ADAMTS13: variants seen among roughly 807,000 people sequenced by gnomAD.
ADAMTS13 encodes the protein A disintegrin and metalloproteinase with thrombospondin motifs 13.
Under a neutral mutation model 155.1 loss-of-function variants are expected in ADAMTS13, and 110 were observed. The observed-to-expected ratio is 0.71, with a 90% CI of 0.61 to 0.83. The LOEUF (loss-of-function observed/expected upper bound fraction) is 0.83. Ranked by LOEUF, ADAMTS13 falls within the 40% of genes least tolerant of loss-of-function variation. The pLI, the probability that ADAMTS13 is intolerant of heterozygous loss-of-function variation, is 0.00. For missense variants in ADAMTS13, 1,707 were observed against 1,891.7 expected (o/e 0.90, Z 1.81); for synonymous variants, 758 against 756.4 (o/e 1.00, Z -0.03).
At chr9:133,433,341 C>T (rs782472191) in intron 9 of ADAMTS13, 37 bp from the exon 10 acceptor site, 2 of 1,611,040 alleles carry the variant, frequency 1.2e-6, no homozygotes, top group East Asian at 2.2e-5. Context: ...GGTGGGGTCA[C>T]TGTGGGATGG....
chr9:133,449,261 C>G (rs1842276931), intron 22 of ADAMTS13, among the ~76,000 whole-genome samples: 3 of 152,086 alleles, frequency 2.0e-5, no homozygotes, highest in Non-Finnish European at 4.4e-5. Context: ...CACCTAGGCC[C>G]CGGGGCCGTC....
intron 11 of ADAMTS13, 101 bp downstream of exon 11, chr9:133,433,805 G>A (rs1840972671): frequency 1.4e-6 from 2 of 1,410,692 alleles, no homozygotes; most frequent in African/African-American, 1.4e-5. Flanking sequence ...CATTTGAGAA[G>A]GACATTGGGG....
At position 133,429,986 on chromosome 9, in the gene ADAMTS13, G is replaced by C. The variant is rs782379766; in HGVS notation, c.872G>C (p.Gly291Ala). The change falls in exon 8 of 29, where the codon GGG becomes GCG. Residue 291 changes from glycine (G) to alanine (A), a missense_variant. Physicochemically the swap from Gly to Ala is moderately conservative, Grantham distance 60. Coordinates refer to ENST00000355699, the MANE Select transcript of ADAMTS13 (RefSeq NM_139027.6). ...TGGGACCCGCCGCGGCCTCAACCCG[G>C]GTCCGCGGGGCACCCGCCGGATGCG... Reference protein sequence around the residue: ...CVWDPPRPQPGSAGHPPDAQP... With the variant: ...CVWDPPRPQPASAGHPPDAQP... 6.2e-5 allele frequency: 97 copies of C among 1,554,368 alleles called. No individual in the cohort carries two copies. Among genetic ancestry groups the C allele is most frequent in the Non-Finnish European group, 8.3e-5 (96 of 1,154,812 alleles).
intron 21 of ADAMTS13, among the ~76,000 whole-genome samples, chr9:133,448,304 C>T (rs942295821): frequency 1.8e-4 from 28 of 152,182 alleles, no homozygotes; most frequent in African/African-American, 5.5e-4. Flanking sequence ...TAATGCCTCT[C>T]GGTCAACAAT....
intron 11 of ADAMTS13, among the ~76,000 whole-genome samples, chr9:133,434,633 A>G (rs1267984561): frequency 3.3e-5 from 5 of 152,188 alleles, no homozygotes; most frequent in Non-Finnish European, 7.3e-5. Flanking sequence ...TTGAGGTGAC[A>G]TTCATGTAGC....
At position 133,438,361 on chromosome 9, in the gene ADAMTS13, C is replaced by T. The variant is rs782272645; in HGVS notation, c.1700C>T (p.Ala567Val). 3.9e-5 allele frequency: 63 copies of T among 1,613,776 alleles called. No homozygotes were observed. Among genetic ancestry groups the T allele is most frequent in the East Asian group, 4.5e-5 (2 of 44,880 alleles). ...AAGGGCTCTTTCACAGCTGGCAGAG[C>T]GAGAGGTAGGCGGCCTCCCTCGGGG... ...PRKGSFTAGR[A>V]REYVTFLTVT... The change falls in exon 14 of 29, where the codon GCG (alanine) becomes GTG (valine). Residue 567 changes from alanine (A) to valine (V), a missense_variant. Physicochemically the swap from Ala to Val is moderately conservative, Grantham distance 64. Around this residue, in one of 3 missense-constraint regions of ADAMTS13, gnomAD observed 961 missense variants for 1,107.9 expected, o/e 0.87. Transcript: ENST00000355699.
chr9:133,433,962 G>A (rs947127211), intron 11 of ADAMTS13, among the ~76,000 whole-genome samples: 2 of 152,080 alleles, frequency 1.3e-5, no homozygotes, highest in African/African-American at 4.8e-5. Flanking sequence ...CGGGCGTGGT[G>A]GTGGGCGCCT....
At chr9:133,426,511 GT>G (rs1304104306) in intron 6 of ADAMTS13, among the ~76,000 whole-genome samples, 166 bp downstream of exon 6, 3 of 152,210 alleles carry the variant, frequency 2.0e-5, no homozygotes, top group Non-Finnish European at 4.4e-5. Flanking sequence ...ACCTGATACT[GT>G]TTGATTAAAA....
At chr9:133,435,350 C>A (rs2130835537) in intron 11 of ADAMTS13, among the ~76,000 whole-genome samples, 1 of 151,980 alleles carries the variant, frequency 6.6e-6, no homozygotes, top group African/African-American at 2.4e-5. Flanking sequence ...CCATGCCTGG[C>A]TAATTTTTTG....
chr9:133,454,527 G>T lies in ADAMTS13; in HGVS notation c.3157G>T (p.Ala1053Ser), dbSNP rs781825145. ...DQGQDVEVDEAACAALVRPEA... is the reference protein window; with the variant it reads ...DQGQDVEVDESACAALVRPEA... ...AGGCCAGGACGTGGAGGTGGACGAG[G>T]CGGCCTGTGCGGCGCTGGTGCGGCC... Residue 1053 changes from alanine (A) to serine (S), a missense_variant, in exon 24 of 29, where the codon GCG becomes TCG. Physicochemically the swap from Ala to Ser is moderately conservative, Grantham distance 99. Around this residue, in one of 3 missense-constraint regions of ADAMTS13, gnomAD observed 961 missense variants for 1,107.9 expected, o/e 0.87. Transcript: ENST00000355699. The T allele has an allele frequency of 3.1e-6, 5 of 1,610,390 alleles. No individual in the cohort carries two copies. The highest frequency in any genetic ancestry group is 1.3e-5 in the African/African-American group (1 of 74,952).
At chr9:133,432,296 C>T (rs587728672) in intron 8 of ADAMTS13, among the ~76,000 whole-genome samples, 14 of 152,226 alleles carry the variant, frequency 9.2e-5, no homozygotes, top group Admixed American at 8.5e-4. Flanking sequence ...TAAATTAAAA[C>T]ATTTGCCTCT....
chr9:133,446,483 C>T (rs1009015929), intron 21 of ADAMTS13, among the ~76,000 whole-genome samples: 7 of 152,224 alleles, frequency 4.6e-5, no homozygotes, highest in African/African-American at 1.7e-4. Flanking sequence ...CCTCACAGTT[C>T]ATCCATGTTG....
At position 133,438,230 on chromosome 9, in the gene ADAMTS13, C is replaced by A; in HGVS notation, c.1585-16C>A. The A allele has an allele frequency of 1.2e-6, 2 of 1,614,142 alleles. No individual in the cohort carries two copies. Among genetic ancestry groups the A allele is most frequent in the Non-Finnish European group, 1.7e-6 (2 of 1,180,034 alleles). On this transcript the variant is annotated splice_polypyrimidine_tract_variant and intron_variant, in intron 13 of 28. Coordinates refer to ENST00000355699, the MANE Select transcript of ADAMTS13 (RefSeq NM_139027.6). ...CCCTCCAGTGACACGGGCCCTCTGTCCTTCCCTTTGCATAGACATTTGGCT... is the reference window on the plus strand; with the variant it reads ...CCCTCCAGTGACACGGGCCCTCTGTACTTCCCTTTGCATAGACATTTGGCT...
At position 133,440,293 on chromosome 9, in the gene ADAMTS13, G is replaced by A. The variant is rs368834857; in HGVS notation, c.1787-51G>A. ...GAGAGTCACTGACATGTGCCTGTGA[G>A]GAGGATGGGTGCTCAGCTCCACACA... On this transcript the variant is annotated intron_variant, in intron 15 of 28. Transcript: ENST00000355699. This position sits in a 1 kb window ranked among gnomAD's most constrained non-coding sequence, Gnocchi z 4.3. 1.5e-4 allele frequency: 236 copies of A among 1,610,670 alleles called. No individual in the cohort carries two copies. In the African/African-American group the frequency reaches 2.9e-3, roughly 20 times the overall value.
chr9:133,442,039 G>C (rs1226454121), intron 16 of ADAMTS13, among the ~76,000 whole-genome samples: 1 of 152,200 alleles, frequency 6.6e-6, no homozygotes, highest in African/African-American at 2.4e-5. Context: ...GCTCCTTGCA[G>C]CTCAGCCAGT....
rs369018768 is a variant in ADAMTS13 at position 133,445,066 on chromosome 9, G to A, written c.2610+14G>A. ...GGCTGGGGCCATGTGAGTGCCCTGG[G>A]CATGAGGGTGGCTGGGGCTGTTGAG... On this transcript the variant is annotated intron_variant, in intron 20 of 28. Coordinates refer to ENST00000355699, the MANE Select transcript of ADAMTS13 (RefSeq NM_139027.6). The surrounding 1 kb of genome is among the most constrained non-coding windows in gnomAD (Gnocchi z 5.0). The A allele has an allele frequency of 1.5e-5, 24 of 1,610,718 alleles. No homozygotes were observed. The African/African-American group carries it at 3.1e-4, about 21-fold the overall frequency.
chr9:133,436,778 A>ACCC, intron 11 of ADAMTS13, 51 bp from the exon 12 acceptor site: 6 of 433,946 alleles, frequency 1.4e-5, no homozygotes, highest in Non-Finnish European at 2.3e-5. Flanking sequence ...CAGTGACAAC[A>ACCC]CCCGCCCCCC....
chr9:133,457,854 G>T, intron 27 of ADAMTS13, 56 bp from the exon 28 acceptor site: 1 of 1,608,222 alleles, frequency 6.2e-7, no homozygotes, highest in East Asian at 2.2e-5. Context: ...GAGTTGTCCT[G>T]GCCTCTGGCA....
chr9:133,440,398 A>C lies in ADAMTS13; in HGVS notation c.1841A>C (p.Asn614Thr), dbSNP rs782396358. The change falls in exon 16 of 29, where the codon AAC (asparagine) becomes ACC (threonine). Residue 614 changes from asparagine to threonine, a missense_variant. This residue lies in a region of ADAMTS13 where 961 missense variants were observed against 1,107.9 expected (regional missense o/e 0.87). Coordinates refer to ENST00000355699, the MANE Select transcript of ADAMTS13 (RefSeq NM_139027.6). This position sits in a 1 kb window ranked among gnomAD's most constrained non-coding sequence, Gnocchi z 4.3. ...VVAGKMSISP[N>T]TTYPSLLEDG... is the part of the protein sequence containing the mutation. Reference sequence around the variant, plus strand: ...GCTGGGAAGATGAGCATCTCCCCTAACACCACCTACCCCTCCCTCCTGGAG... The same window carrying C: ...GCTGGGAAGATGAGCATCTCCCCTACCACCACCTACCCCTCCCTCCTGGAG... 2.2e-4 allele frequency: 358 copies of C among 1,613,726 alleles called. No homozygotes were observed. The highest frequency in any genetic ancestry group is 2.9e-4 in the Non-Finnish European group (346 of 1,180,002).
Sources: allele counts gnomAD v4.1 joint callset (sites outside exome capture counted in the v4.1 genomes callset), GRCh38; gene constraint gnomAD v4.1.1; regional missense constraint gnomAD v4.1.1; non-coding constraint Gnocchi (gnomAD v3.1); transcripts MANE v1.5; gene names NCBI Gene and HGNC (gene_info 2026-07-23, HGNC 2026-07-21).